The following SRI variants were observed in gnomAD, a reference collection of about 807,000 sequenced individuals.
SRI encodes sorcin.
A neutral mutation model predicts 33.3 loss-of-function variants in SRI; 30 were observed. The observed-to-expected ratio is 0.90, with a 90% CI of 0.67 to 1.22. The LOEUF (loss-of-function observed/expected upper bound fraction) is 1.22. Ranked by LOEUF, SRI falls within the 50% of genes most tolerant of loss-of-function variation. The probability of loss-of-function intolerance (pLI) is 0.00; values close to 1 mark genes in which losing one functional copy is unlikely to be tolerated. For missense variants in SRI, 243 were observed against 250.8 expected (o/e 0.97, Z 0.21); for synonymous variants, 75 against 89.9 (o/e 0.83, Z 0.94).
intron 1 of SRI, 151 bp downstream of exon 1, chr7:88,219,825 G>T: frequency 2.1e-6 from 2 of 953,138 alleles, no homozygotes; most frequent in Admixed American, 5.2e-5. Context: ...GGGGCCTAGG[G>T]CGAGGCCGCG....
chr7:88,208,862 T>C (rs999080065), intron 6 of SRI: 8 of 381,632 alleles, frequency 2.1e-5, no homozygotes, highest in Non-Finnish European at 3.9e-5. Context: ...CCATGGCCAT[T>C]ACTTCATTGT....
chr7:88,208,668 T>G, intron 6 of SRI, 103 bp from the exon 7 acceptor site: 3 of 1,512,196 alleles, frequency 2.0e-6, no homozygotes, highest in Non-Finnish European at 2.7e-6. Flanking sequence ...CAGTAACATT[T>G]AAATTGTGCA....
upstream of SRI, among the ~76,000 whole-genome samples, chr7:88,222,393 G>A (rs1486183029): frequency 2.7e-5 from 4 of 148,558 alleles, no homozygotes; most frequent in African/African-American, 5.0e-5. Context: ...ACTGGTGTGA[G>A]ATGGTATCTC....
chr7:88,224,673 C>T (rs1462016268), upstream of SRI, among the ~76,000 whole-genome samples: 1 of 152,130 alleles, frequency 6.6e-6, no homozygotes, highest in Non-Finnish European at 1.5e-5. Context: ...TTTTCTTGAA[C>T]TGTCCGGAGT....
rs1015931245 is a variant in SRI at position 88,205,719 on chromosome 7, A to G, written c.*759T>C. On this transcript the variant is annotated 3_prime_UTR_variant, in exon 8 of 8. Coordinates refer to ENST00000265729, the MANE Select transcript of SRI (RefSeq NM_003130.4). ...TCAGTATTTTAAAAACTAAAATCTGATTTTAAAAGGAAAGCATATAGAAAA... is the reference window on the plus strand; with the variant it reads ...TCAGTATTTTAAAAACTAAAATCTGGTTTTAAAAGGAAAGCATATAGAAAA... The G allele has an allele frequency of 2.0e-5, 3 of 152,206 alleles. No homozygotes were observed. The highest frequency in any genetic ancestry group is 2.9e-5 in the Non-Finnish European group (2 of 68,020). The allele number at this position is 152,206 out of a possible 1,614,324, so 9.4% of individuals were successfully genotyped here. A position where few individuals can be genotyped will look rare whatever the true frequency, so the allele number is the denominator to read the frequency against.
At position 88,205,566 on chromosome 7, in the gene SRI, A is replaced by G. The variant is rs2115727101; in HGVS notation, c.*912T>C. ...GAGAATGTTTGGAAAAGCAGTAAGA[A>G]GGAAGAAGATGAACTCATGATCCTG... On this transcript the variant is annotated 3_prime_UTR_variant, in exon 8 of 8. Coordinates refer to ENST00000265729, the MANE Select transcript of SRI (RefSeq NM_003130.4). 6.6e-6 allele frequency: 1 copy of G among 152,244 alleles called. No homozygotes were observed. The highest frequency in any genetic ancestry group is 1.5e-5 in the Non-Finnish European group (1 of 68,034). 9.4% of individuals were successfully genotyped at this position (152,244 alleles called of 1,614,324 possible). A position where few individuals can be genotyped will look rare whatever the true frequency, so the allele number is the denominator to read the frequency against.
chr7:88,215,399 T>G (rs185341963), intron 3 of SRI, among the ~76,000 whole-genome samples: 71 of 152,366 alleles, frequency 4.7e-4, no homozygotes, highest in Admixed American at 1.2e-3. Context: ...CCTCATCTAC[T>G]GAAAGGATGT....
intron 3 of SRI, among the ~76,000 whole-genome samples, chr7:88,213,273 T>C (rs1297521989): frequency 6.6e-6 from 1 of 152,180 alleles, no homozygotes; most frequent in Non-Finnish European, 1.5e-5. Flanking sequence ...AAACCCAGTA[T>C]CAGTGATCTA....
intron 3 of SRI, among the ~76,000 whole-genome samples, chr7:88,215,480 T>C (rs1433756521): frequency 1.3e-5 from 2 of 152,246 alleles, no homozygotes; most frequent in Non-Finnish European, 2.9e-5. Context: ...CTACCTTGTT[T>C]ACCAGCTCAA....
chr7:88,220,132 G>T (rs1851853785), upstream of SRI: 3 of 1,350,342 alleles, frequency 2.2e-6, no homozygotes. Flanking sequence ...GCACCACGCG[G>T]GCGTGGGGGA....
At chr7:88,217,058 A>G in intron 3 of SRI, 64 bp downstream of exon 3, 3 of 1,441,214 alleles carry the variant, frequency 2.1e-6, no homozygotes, top group South Asian at 1.1e-5. Context: ...CTGTAATCAC[A>G]AGTAACAGCT....
chr7:88,214,796 T>C, intron 3 of SRI: 1 of 1,033,700 alleles, frequency 9.7e-7, no homozygotes, highest in Non-Finnish European at 1.2e-6. Flanking sequence ...GTAATTTACC[T>C]TTACTCTTTT....
chr7:88,219,842 G>T, intron 1 of SRI, 134 bp downstream of exon 1: 1 of 1,118,788 alleles, frequency 8.9e-7, no homozygotes, highest in Non-Finnish European at 1.2e-6. Context: ...CGCGAGCGCA[G>T]GGAGAAGCCG....
chr7:88,207,325 A>G (rs1431487266), intron 7 of SRI, among the ~76,000 whole-genome samples: 1 of 152,226 alleles, frequency 6.6e-6, no homozygotes, highest in Admixed American at 6.5e-5. Flanking sequence ...TAAGAAGTTA[A>G]CGCATGTTAA....
chr7:88,219,270 C>T, intron 1 of SRI: 1 of 357,162 alleles, frequency 2.8e-6, no homozygotes, highest in Non-Finnish European at 5.4e-6. Flanking sequence ...GCTTCAAATT[C>T]TCCTTTTGTT....
At chr7:88,223,277 A>G (rs1313121728), upstream of SRI, among the ~76,000 whole-genome samples, 3 of 152,176 alleles carry the variant, frequency 2.0e-5, no homozygotes, top group African/African-American at 7.2e-5. Context: ...CATTTTACTT[A>G]TTTGCTTAAT....
upstream of SRI, among the ~76,000 whole-genome samples, chr7:88,224,014 T>C (rs961129780): frequency 1.3e-5 from 2 of 152,202 alleles, no homozygotes; most frequent in African/African-American, 2.4e-5. Flanking sequence ...TGGGAAGTCA[T>C]TGGAATTACA....
chr7:88,221,533 T>C (rs1228883620), upstream of SRI, among the ~76,000 whole-genome samples: 3 of 152,188 alleles, frequency 2.0e-5, no homozygotes, highest in East Asian at 3.8e-4. Flanking sequence ...GAACTCGATG[T>C]TGAGTACAAG....
chr7:88,217,267 C>T (rs1326973665), intron 2 of SRI, 76 bp from the exon 3 acceptor site: 1 of 1,163,856 alleles, frequency 8.6e-7, no homozygotes, highest in African/African-American at 1.5e-5. Context: ...TTCAATGAAG[C>T]AATAACAACA....
Sources: allele counts gnomAD v4.1 joint callset (sites outside exome capture counted in the v4.1 genomes callset), GRCh38; gene constraint gnomAD v4.1.1; transcripts MANE v1.5; gene names NCBI Gene and HGNC (gene_info 2026-07-23, HGNC 2026-07-21).